The following TRAK1 variants were observed in gnomAD, a reference collection of about 807,000 sequenced individuals.
The protein encoded by TRAK1 is trafficking kinesin-binding protein 1.
A neutral mutation model predicts 92.1 loss-of-function variants in TRAK1; 33 were observed. The ratio of observed to expected loss-of-function variants is 0.36; its 90% CI spans 0.27 to 0.48. The LOEUF (loss-of-function observed/expected upper bound fraction) is 0.48, where lower values mean the gene tolerates loss of function less well. TRAK1 is among the 20% of genes least tolerant of loss of function. TRAK1 has a pLI of 0.99. For synonymous variants in TRAK1, 521 were observed against 517.3 expected (o/e 1.01, Z -0.10); for missense variants, 1,123 against 1,257.9 (o/e 0.89, Z 1.62).
intron 2 of TRAK1, among the ~76,000 whole-genome samples, chr3:42,155,231 C>T (rs1700409723): frequency 6.6e-6 from 1 of 151,884 alleles, no homozygotes; most frequent in Admixed American, 6.6e-5. Flanking sequence ...TATGGGAAGG[C>T]AACTTGGAAA....
chr3:42,173,532 C>T (rs1223645574), intron 2 of TRAK1, among the ~76,000 whole-genome samples: 1 of 152,200 alleles, frequency 6.6e-6, no homozygotes, highest in Non-Finnish European at 1.5e-5. Context: ...AAACCTAAGC[C>T]TCTGAACCCA....
chr3:42,031,033 ATTTTTTTT>A (rs569209653), intron 1 of TRAK1, among the ~76,000 whole-genome samples: 1 of 95,438 alleles, frequency 1.0e-5, no homozygotes, highest in Non-Finnish European at 2.3e-5. Context: ...AGCTATTTGA[ATTTTTTTT>A]TTTTTTTTTT....
chr3:42,117,863 G>T (rs1709363047), intron 1 of TRAK1, among the ~76,000 whole-genome samples: 1 of 151,926 alleles, frequency 6.6e-6, no homozygotes, highest in Admixed American at 6.6e-5. Flanking sequence ...CTGTCATCAG[G>T]CTGGAATGCA....
chr3:42,194,663 G>C (rs1217427477), intron 9 of TRAK1, 141 bp from the exon 10 acceptor site: 3 of 921,378 alleles, frequency 3.3e-6, no homozygotes, highest in Non-Finnish European at 3.1e-6. Flanking sequence ...CTGTTATTTG[G>C]CCACAGGCGC....
intron 2 of TRAK1, among the ~76,000 whole-genome samples, chr3:42,135,297 C>G (rs1445386676): frequency 6.6e-6 from 1 of 152,234 alleles, no homozygotes; most frequent in Non-Finnish European, 1.5e-5. Flanking sequence ...GTACCTGGCA[C>G]AGCTGAAGGA....
chr3:42,059,721 C>G (rs1458941318), intron 1 of TRAK1, among the ~76,000 whole-genome samples: 1 of 152,164 alleles, frequency 6.6e-6, no homozygotes, highest in Non-Finnish European at 1.5e-5. Context: ...TTTTATTCTT[C>G]TACAGAGAGA....
In TRAK1 at chr3:42,204,173, T is replaced by C; in HGVS notation, c.1744+1421T>C. On this transcript the variant is annotated intron_variant, in intron 13 of 15. Transcript: ENST00000327628. ...TGTGTGTGTTCTTCAATAAAATCTTTCATTTCTGCAATTTTACTTTCTGCC... is the reference window on the plus strand; with the variant it reads ...TGTGTGTGTTCTTCAATAAAATCTTCCATTTCTGCAATTTTACTTTCTGCC... The C allele has an allele frequency of 4.1e-6, 4 of 985,844 alleles. No individual in the cohort carries two copies. In the South Asian group the frequency reaches 1.9e-4, roughly 46 times the overall value. 61.1% of individuals were successfully genotyped at this position (985,844 alleles called of 1,614,324 possible).
intron 14 of TRAK1, among the ~76,000 whole-genome samples, chr3:42,213,120 G>A (rs1672165724): frequency 1.4e-5 from 2 of 147,290 alleles, no homozygotes; most frequent in Admixed American, 1.4e-4. Context: ...GGGCAGTGGT[G>A]CAATCTCGGC....
chr3:42,078,832 A>G (rs560859087), intron 1 of TRAK1, among the ~76,000 whole-genome samples: 72 of 152,274 alleles, frequency 4.7e-4, no homozygotes, highest in African/African-American at 1.6e-3. Flanking sequence ...CCAAGTGTGA[A>G]AAGGATTCCA....
chr3:42,022,500 T>C (rs1325916120), intron 1 of TRAK1, among the ~76,000 whole-genome samples: 1 of 151,676 alleles, frequency 6.6e-6, no homozygotes, highest in Non-Finnish European at 1.5e-5. Context: ...GGCGGGTGGA[T>C]TGCTTTAGCC....
chr3:42,052,142 A>G (rs1050703083), intron 1 of TRAK1, among the ~76,000 whole-genome samples: 4 of 152,250 alleles, frequency 2.6e-5, no homozygotes, highest in African/African-American at 9.6e-5. Flanking sequence ...GCGGGTCTCT[A>G]AGGGACATGG....
chr3:42,188,922 C>T (rs976186854), intron 5 of TRAK1, 94 bp from the exon 6 acceptor site: 33 of 881,064 alleles, frequency 3.7e-5, no homozygotes, highest in Admixed American at 6.2e-5. Context: ...GGTCATTGTC[C>T]TTCCTGCAAG....
intron 15 of TRAK1, among the ~76,000 whole-genome samples, chr3:42,220,295 T>C (rs1476965593): frequency 6.6e-6 from 1 of 152,104 alleles, no homozygotes; most frequent in East Asian, 1.9e-4. Context: ...GGAGGACTTG[T>C]CTGGTGTGAG....
upstream of TRAK1, chr3:42,013,688 A>G (rs1213211841): frequency 6.2e-5 from 9 of 145,752 alleles, no homozygotes; most frequent in Non-Finnish European, 9.2e-5. This position sits in a 1 kb window ranked among gnomAD's most constrained non-coding sequence, Gnocchi z 5.1. Context: ...GGCGCCCGCA[A>G]CAGTGCCCGC....
chr3:42,170,320 TTCCCAGGTTCTGGGACCCCAGGTTGGC>T lies in TRAK1; in HGVS notation c.287-6481_287-6455del, dbSNP rs1702387124. Reference sequence around the variant, plus strand: ...TAGAATTTTATGGAAAGCTTTTTAGTTCCCAGGTTCTGGGACCCCAGGTTGGCTCCCAGGTTCTGAACCTCTGTCCCC... The same window carrying T: ...TAGAATTTTATGGAAAGCTTTTTAGTTCCCAGGTTCTGAACCTCTGTCCCC... On this transcript the variant is annotated intron_variant, in intron 2 of 15. Coordinates refer to ENST00000327628, the MANE Select transcript of TRAK1 (RefSeq NM_001042646.3). 2.0e-5 allele frequency among the ~76,000 whole-genome samples: 3 copies of T among 152,208 alleles called. No individual in the cohort carries two copies. In the South Asian group the frequency reaches 6.2e-4, roughly 31 times the overall value.
intron 14 of TRAK1, chr3:42,211,785 T>A (rs1030006047): frequency 1.0e-6 from 1 of 985,442 alleles, no homozygotes; most frequent in African/African-American, 1.7e-5. Flanking sequence ...AAATAAACAC[T>A]GACATTTTTC....
intron 1 of TRAK1, among the ~76,000 whole-genome samples, chr3:42,108,455 C>T (rs554222217): frequency 6.8e-6 from 1 of 146,834 alleles, no homozygotes; most frequent in South Asian, 2.2e-4. Flanking sequence ...CGTACCACTG[C>T]ACTCCAGCGT....
chr3:42,090,620 T>C (rs1271164015), upstream of TRAK1, among the ~76,000 whole-genome samples: 1 of 152,064 alleles, frequency 6.6e-6, no homozygotes, highest in Non-Finnish European at 1.5e-5. Context: ...GAGATGGAGG[T>C]TGCAGTGAGC....
chr3:42,108,788 C>T (rs1224735674), intron 1 of TRAK1, among the ~76,000 whole-genome samples: 1 of 152,004 alleles, frequency 6.6e-6, no homozygotes, highest in East Asian at 1.9e-4. Context: ...CACCAAGAGG[C>T]ATGACAATAG....
Sources: allele counts gnomAD v4.1 joint callset (sites outside exome capture counted in the v4.1 genomes callset), GRCh38; gene constraint gnomAD v4.1.1; non-coding constraint Gnocchi (gnomAD v3.1); transcripts MANE v1.5; gene names NCBI Gene and HGNC (gene_info 2026-07-23, HGNC 2026-07-21).